BMAL1: variants seen among roughly 807,000 people sequenced by gnomAD.
The protein encoded by BMAL1 is basic helix-loop-helix ARNT like 1, also known as basic helix-loop-helix ARNT-like protein 1.
chr11:13,292,434 C>T, the BMAL1 span, among the ~76,000 whole-genome samples: 4 of 151,618 alleles, frequency 2.6e-5, no homozygotes, highest in African/African-American at 9.7e-5. Flanking sequence ...GTAATCCCAG[C>T]TCCTCGGGAG....
chr11:13,343,986 C>T, the BMAL1 span, among the ~76,000 whole-genome samples: 60 of 152,274 alleles, frequency 3.9e-4, no homozygotes, highest in African/African-American at 1.4e-3. Flanking sequence ...TCTAGAGCTA[C>T]CAGTTGAATT....
the BMAL1 span, among the ~76,000 whole-genome samples, chr11:13,293,561 A>G: frequency 2.6e-5 from 4 of 152,224 alleles, no homozygotes; most frequent in Non-Finnish European, 5.9e-5. Flanking sequence ...TGAACTATTA[A>G]AAGAGTTGGG....
the BMAL1 span, among the ~76,000 whole-genome samples, chr11:13,303,477 G>A: frequency 1.3e-5 from 2 of 152,182 alleles, no homozygotes; most frequent in Non-Finnish European, 2.9e-5. Flanking sequence ...GTCAAAGAAG[G>A]CCTCATTGAG....
chr11:13,326,354 A>G, the BMAL1 span: 1 of 152,142 alleles, frequency 6.6e-6, no homozygotes, highest in African/African-American at 2.4e-5. Context: ...TCAAAGTGAA[A>G]TGCTGTACCA....
the BMAL1 span, among the ~76,000 whole-genome samples, chr11:13,330,028 C>T: frequency 6.6e-6 from 1 of 152,218 alleles, no homozygotes; most frequent in Admixed American, 6.5e-5. Context: ...AATGCACACA[C>T]GACTTAGGCA....
chr11:13,348,572 G>T, the BMAL1 span, among the ~76,000 whole-genome samples: 1 of 152,112 alleles, frequency 6.6e-6, no homozygotes, highest in Admixed American at 6.5e-5. Flanking sequence ...GTTCTGGGTT[G>T]CTAATTTGGG....
At chr11:13,350,206 TTGGC>T in the BMAL1 span, 1 of 152,216 alleles carries the variant, frequency 6.6e-6, no homozygotes, top group East Asian at 1.9e-4. Flanking sequence ...ATGCGGTTGT[TTGGC>T]TGGTCAAAAA....
chr11:13,310,505 G>C, the BMAL1 span, among the ~76,000 whole-genome samples: 1 of 152,194 alleles, frequency 6.6e-6, no homozygotes, highest in African/African-American at 2.4e-5. Flanking sequence ...GGATCTGCTG[G>C]CGTCTGATGA....
chr11:13,338,131 G>A, the BMAL1 span, among the ~76,000 whole-genome samples: 2 of 151,952 alleles, frequency 1.3e-5, no homozygotes, highest in Non-Finnish European at 2.9e-5. Context: ...ACAGACACAT[G>A]ATACTCACTA....
chr11:13,377,777 C>G, the BMAL1 span, among the ~76,000 whole-genome samples: 2 of 152,182 alleles, frequency 1.3e-5, no homozygotes, highest in Admixed American at 1.3e-4. Context: ...AGGAGTCTCC[C>G]AAGTTTTAAC....
the BMAL1 span, among the ~76,000 whole-genome samples, chr11:13,368,208 T>C: frequency 1.9e-4 from 29 of 152,242 alleles, no homozygotes; most frequent in Non-Finnish European, 3.4e-4. Flanking sequence ...TGCATAGTAA[T>C]AGGTACAGCC....
chr11:13,284,870 T>G, the BMAL1 span, among the ~76,000 whole-genome samples: 1 of 151,980 alleles, frequency 6.6e-6, no homozygotes, highest in Admixed American at 6.6e-5. Flanking sequence ...CTCTCCAGGG[T>G]CTGGTCCTGT....
chr11:13,367,249 C>T, the BMAL1 span, among the ~76,000 whole-genome samples: 1 of 152,168 alleles, frequency 6.6e-6, no homozygotes, highest in African/African-American at 2.4e-5. Context: ...GGCTCCCCCA[C>T]CTGGCTTTCT....
chr11:13,355,388 C>T, the BMAL1 span: 2 of 1,230,216 alleles, frequency 1.6e-6, no homozygotes, highest in East Asian at 2.3e-5. Flanking sequence ...AGCAGTAACT[C>T]CCCAGCAGAA....
chr11:13,361,384 T>C, the BMAL1 span, among the ~76,000 whole-genome samples: 2 of 150,156 alleles, frequency 1.3e-5, no homozygotes, highest in African/African-American at 5.0e-5. Context: ...AACAGATGAA[T>C]AGAAAAACGT....
the BMAL1 span, chr11:13,355,261 G>A: frequency 1.2e-6 from 2 of 1,613,802 alleles, no homozygotes; most frequent in Non-Finnish European, 1.7e-6. Flanking sequence ...AATGGCTGGA[G>A]GTCAGATGCC....
the BMAL1 span, among the ~76,000 whole-genome samples, chr11:13,376,184 G>A: frequency 6.6e-6 from 1 of 152,182 alleles, no homozygotes. Context: ...CCCAAGCACT[G>A]GCAGCTGGAA....
At chr11:13,361,197 T>G in the BMAL1 span, among the ~76,000 whole-genome samples, 2 of 152,210 alleles carry the variant, frequency 1.3e-5, no homozygotes, top group African/African-American at 2.4e-5. Flanking sequence ...GAGTGCTCTC[T>G]CTGTCTTGCT....
chr11:13,280,824 GTC>G, the BMAL1 span, among the ~76,000 whole-genome samples: 1 of 152,070 alleles, frequency 6.6e-6, no homozygotes, highest in Non-Finnish European at 1.5e-5. Flanking sequence ...AAAATGTCCT[GTC>G]TCTATCCCCA....
Sources: allele counts gnomAD v4.1 joint callset (sites outside exome capture counted in the v4.1 genomes callset), GRCh38; gene constraint gnomAD v4.1.1; transcripts MANE v1.5; gene names NCBI Gene and HGNC (gene_info 2026-07-23, HGNC 2026-07-21).